USPL1: variants seen among roughly 807,000 people sequenced by gnomAD.
The protein encoded by USPL1 is SUMO-specific isopeptidase USPL1.
USPL1 carries 27 observed loss-of-function variants against 51.5 expected under a neutral mutation model. The observed-to-expected ratio is 0.52, with a 90% CI of 0.39 to 0.72. The LOEUF (loss-of-function observed/expected upper bound fraction) is 0.72. Ranked by LOEUF, USPL1 falls within the 30% of genes least tolerant of loss-of-function variation. The probability of loss-of-function intolerance (pLI) is 0.00; values close to 1 mark genes in which losing one functional copy is unlikely to be tolerated. For missense variants in USPL1, 1,226 were observed against 1,268.0 expected (o/e 0.97, Z 0.50); for synonymous variants, 451 against 459.6 (o/e 0.98, Z 0.24).
intron 7 of USPL1, among the ~76,000 whole-genome samples, chr13:30,650,716 C>T (rs1226215939): frequency 1.3e-5 from 2 of 152,052 alleles, no homozygotes; most frequent in Admixed American, 6.6e-5. Context: ...AAGTTTCGGC[C>T]GGGCATAGTG....
At chr13:30,653,409 CCTGA>C in intron 8 of USPL1, 104 bp downstream of exon 8, 1 of 1,192,792 alleles carries the variant, frequency 8.4e-7, no homozygotes, top group Non-Finnish European at 1.1e-6. Flanking sequence ...CAAACTTTGT[CCTGA>C]CTCTTTCTCT....
At chr13:30,642,527 T>G in intron 5 of USPL1, 101 bp from the exon 6 acceptor site, 1 of 1,410,540 alleles carries the variant, frequency 7.1e-7, no homozygotes, top group Non-Finnish European at 9.6e-7. Context: ...TAACACATAT[T>G]CATGCTGTAA....
At chr13:30,652,862 A>G (rs184875665) in intron 7 of USPL1, among the ~76,000 whole-genome samples, 172 of 152,342 alleles carry the variant, frequency 1.1e-3, no homozygotes, top group African/African-American at 3.9e-3. Context: ...ACAAAGCTGC[A>G]TTGCTGCTTA....
Position 30,631,385 on chromosome 13 carries a change from C to G in USPL1, c.779C>G (p.Ser260Trp). The change falls in exon 4 of 9, where the codon TCG (serine) becomes TGG (tryptophan). Residue 260 changes from serine (S) to tryptophan (W), a missense_variant. By Grantham distance (177) the Ser-to-Trp change is radical (BLOSUM62 -3). Transcript: ENST00000255304. ...ELKNTVTGLC[S>W]KEESIFWRLL... ...AAGAACACCGTGACTGGACTGTGCT[C>G]GAAGGAGGAATCTATATTCTGGCGG... is the stretch of plus-strand genomic sequence containing the variant. The G allele has an allele frequency of 6.2e-7, 1 of 1,614,086 alleles. No homozygotes were observed. The highest frequency in any genetic ancestry group is 8.5e-7 in the Non-Finnish European group (1 of 1,180,018).
At chr13:30,645,130 T>C (rs1951000997) in intron 6 of USPL1, among the ~76,000 whole-genome samples, 1 of 152,218 alleles carries the variant, frequency 6.6e-6, no homozygotes, top group South Asian at 2.1e-4. Context: ...TCTAAGACTT[T>C]CTTGCTCACT....
intron 4 of USPL1, among the ~76,000 whole-genome samples, chr13:30,634,116 G>T (rs1353042376): frequency 6.6e-6 from 1 of 152,050 alleles, no homozygotes; most frequent in African/African-American, 2.4e-5. Context: ...TATCTGAATT[G>T]CCAGCATTAC....
At chr13:30,638,156 C>G (rs1229961988) in intron 5 of USPL1, among the ~76,000 whole-genome samples, 1 of 152,164 alleles carries the variant, frequency 6.6e-6, no homozygotes, top group Non-Finnish European at 1.5e-5. Context: ...GTAGACAGAT[C>G]TAGCATTTTT....
rs539441501 is a variant in USPL1, at chr13:30,655,795, C to A, written c.1397-1679C>A. Among the ~76,000 whole-genome samples, 11 of 152,198 alleles carry A rather than the reference C, an allele frequency of 7.2e-5. No homozygotes were observed. In the South Asian group the frequency reaches 8.3e-4, roughly 11 times the overall value. On this transcript the variant is annotated intron_variant, in intron 8 of 8. Coordinates refer to ENST00000255304, the MANE Select transcript of USPL1 (RefSeq NM_005800.5). ...AAAAATATAGTGCTTTGGGTGTGCA[C>A]TGTTGTAATCCAAGGAATAGGAAAT...
Position 30,624,163 on chromosome 13 carries a change from G to A in USPL1, c.228+2271G>A, listed in dbSNP as rs150412560. ...GTCTCTAGGTAGATAACATCCAAAT[G>A]GAATTGGATTATAGGATACCCATTT... On this transcript the variant is annotated intron_variant, in intron 3 of 8. Coordinates refer to ENST00000255304, the MANE Select transcript of USPL1 (RefSeq NM_005800.5). Among the ~76,000 whole-genome samples, 472 of 152,204 alleles carry A rather than the reference G, an allele frequency of 3.1e-3. 3 individuals are homozygous for A. The highest frequency in any genetic ancestry group is 0.011 in the African/African-American group (451 of 41,536).
rs374828991 is a variant in USPL1, at chr13:30,636,711, A to C, written c.869-1033A>C. Among the ~76,000 whole-genome samples the C allele has an allele frequency of 8.5e-5, 13 of 152,344 alleles. No homozygotes were observed. The East Asian group carries it at 2.1e-3, about 25-fold the overall frequency. On this transcript the variant is annotated intron_variant, in intron 4 of 8. Transcript: ENST00000255304. ...ATAATAGTGAAAAAAGAAACAACTA[A>C]AATGTCTGGCAATAGGAGAATGATT...
At chr13:30,628,027 C>T (rs1485390944) in intron 3 of USPL1, among the ~76,000 whole-genome samples, 1 of 149,722 alleles carries the variant, frequency 6.7e-6, no homozygotes, top group African/African-American at 2.5e-5. Flanking sequence ...CAGGGGTGCA[C>T]CACCATGCCT....
In USPL1 at chr13:30,659,583, G is replaced by A. The variant is rs1951228542; in HGVS notation, c.*227G>A. 4.8e-6 allele frequency: 2 copies of A among 417,534 alleles called. No individual in the cohort carries two copies. The highest frequency in any genetic ancestry group is 7.8e-5 in the East Asian group (2 of 25,580). The allele number at this position is 417,534 out of a possible 1,614,324, so 25.9% of individuals were successfully genotyped here. ...TTGGTTTCATTTTGTTCTTGTGAGA[G>A]TATGAGGATTTCAAAATGTTAAAGA... is the stretch of plus-strand genomic sequence containing the variant. On this transcript the variant is annotated 3_prime_UTR_variant, in exon 9 of 9. Coordinates refer to ENST00000255304, the MANE Select transcript of USPL1 (RefSeq NM_005800.5).
chr13:30,650,115 C>A (rs1951069903), intron 7 of USPL1, among the ~76,000 whole-genome samples: 1 of 152,050 alleles, frequency 6.6e-6, no homozygotes, highest in African/African-American at 2.4e-5. Flanking sequence ...GCCTTGGCCT[C>A]CCAAAGTGAG....
intron 8 of USPL1, among the ~76,000 whole-genome samples, chr13:30,655,147 G>A (rs1378553848): frequency 6.6e-6 from 1 of 152,150 alleles, no homozygotes; most frequent in East Asian, 1.9e-4. Flanking sequence ...ATGTTGGTCA[G>A]GTTGGTCTTG....
intron 6 of USPL1, among the ~76,000 whole-genome samples, chr13:30,646,380 G>C (rs1318790172): frequency 6.6e-6 from 1 of 151,924 alleles, no homozygotes; most frequent in African/African-American, 2.4e-5. Flanking sequence ...ATTAAAAAAA[G>C]TTAAGTTGTA....
rs1279683622 is a variant in USPL1 at position 30,631,912 on chromosome 13, C to T, written c.868+438C>T. On this transcript the variant is annotated intron_variant, in intron 4 of 8. Transcript: ENST00000255304. ...AGCAAGGAGCCCAGGAACAGTATCA[C>T]GAAGCTTGAGATAATACCAGTTACA... Among the ~76,000 whole-genome samples the T allele has an allele frequency of 1.1e-4, 16 of 152,140 alleles. No individual in the cohort carries two copies. In the East Asian group the frequency reaches 2.3e-3, roughly 22 times the overall value.
At chr13:30,649,944 C>T (rs972579710) in intron 7 of USPL1, among the ~76,000 whole-genome samples, 1 of 152,212 alleles carries the variant, frequency 6.6e-6, no homozygotes, top group East Asian at 1.9e-4. Flanking sequence ...GAGAACCTAA[C>T]TTGCTCTCCT....
rs921885834 is a variant in USPL1, at chr13:30,631,226, C to T, written c.620C>T (p.Thr207Ile). The T allele has an allele frequency of 5.0e-6, 8 of 1,613,972 alleles. No individual in the cohort carries two copies. Among genetic ancestry groups the T allele is most frequent in the African/African-American group, 4.0e-5 (3 of 74,862 alleles). ...GRPSPQNEGC[T>I]SKLEMPLESK... is the part of the protein sequence containing the mutation. Reference sequence around the variant, plus strand: ...CCTTCCCCTCAAAATGAAGGATGTACATCTAAACTGGAAATGCCACTGGAG... The same window carrying T: ...CCTTCCCCTCAAAATGAAGGATGTATATCTAAACTGGAAATGCCACTGGAG... Residue 207 changes from threonine to isoleucine, a missense_variant, in exon 4 of 9, where the codon ACA becomes ATA. Transcript: ENST00000255304.
chr13:30,658,865 A>C lies in USPL1; in HGVS notation c.2788A>C (p.Asn930His), dbSNP rs777995620. ...ACAGGTGCCCCAGGATGGGTCTCCA[A>C]ATGATTGTGAATCAATAGAGGACTT... ...LEQVPQDGSP[N>H]DCESIEDLLN... Residue 930 changes from asparagine (N) to histidine (H), a missense_variant, in exon 9 of 9, where the codon AAT becomes CAT. Coordinates refer to ENST00000255304, the MANE Select transcript of USPL1 (RefSeq NM_005800.5). The C allele has an allele frequency of 6.2e-7, 1 of 1,614,078 alleles. No homozygotes were observed. Among genetic ancestry groups the C allele is most frequent in the Non-Finnish European group, 8.5e-7 (1 of 1,180,036 alleles).
Sources: gnomAD v4.1 joint callset for allele counts (sites outside exome capture counted in the v4.1 genomes callset) on GRCh38, gnomAD v4.1.1 for gene constraint, MANE v1.5 for transcripts, NCBI Gene and HGNC (gene_info 2026-07-23, HGNC 2026-07-21) for gene names.